Variants in BIRC6 observed in about 807,000 individuals in gnomAD.
BIRC6 encodes the protein dual E2 ubiquitin-conjugating enzyme/E3 ubiquitin-protein ligase BIRC6.
BIRC6 carries 98 observed loss-of-function variants against 503.3 expected under a neutral mutation model. The ratio of observed to expected loss-of-function variants is 0.19; its 90% CI spans 0.17 to 0.23. The LOEUF (loss-of-function observed/expected upper bound fraction) is 0.23. Ranked by LOEUF, BIRC6 falls within the 10% of genes least tolerant of loss-of-function variation. The probability of loss-of-function intolerance (pLI) is 1.00; values close to 1 mark genes in which losing one functional copy is unlikely to be tolerated. For missense variants in BIRC6, 5,360 were observed against 5,806.0 expected, an observed-to-expected ratio of 0.92 and a Z score of 2.50; for synonymous variants, 2,240 against 2,078.7, an observed-to-expected ratio of 1.08 and a Z score of -2.11.
intron 36 of BIRC6, 139 bp downstream of exon 36, chr2:32,478,957 G>A: frequency 1.3e-6 from 1 of 752,086 alleles, no homozygotes. Flanking sequence ...TCGGTGTGAT[G>A]TTATAGCAGT....
chr2:32,515,733 T>C lies in BIRC6; in HGVS notation c.11312T>C (p.Ile3771Thr). ...ACTGTTGCGTTCTTTCTACAGTGCA[T>C]TTCATGCCATCCTAATAATCAAAAG... ...NATVAFFLQC[I>T]SCHPNNQKLM... Residue 3771 changes from isoleucine (I) to threonine (T), a missense_variant, in exon 55 of 74, where the codon ATT (isoleucine) becomes ACT (threonine). Physicochemically the swap from Ile to Thr is moderately conservative, Grantham distance 89 (BLOSUM62 -1). This residue lies in a region of BIRC6 where 878 missense variants were observed against 928.9 expected (regional missense o/e 0.95). Transcript: ENST00000421745. 1 of 1,600,334 alleles carries C rather than the reference T, an allele frequency of 6.2e-7. No individual in the cohort carries two copies. The highest frequency in any genetic ancestry group is 1.1e-5 in the South Asian group (1 of 91,058).
At chr2:32,602,980 C>A in intron 70 of BIRC6, 26 bp from the exon 71 acceptor site, 1 of 1,574,216 alleles carries the variant, frequency 6.4e-7, no homozygotes, top group Non-Finnish European at 8.6e-7. Flanking sequence ...TTTTTCAATT[C>A]TGTTTATGCT....
At chr2:32,570,334 C>T (rs1445003162) in intron 65 of BIRC6, among the ~76,000 whole-genome samples, 1 of 151,968 alleles carries the variant, frequency 6.6e-6, no homozygotes, top group African/African-American at 2.4e-5. Context: ...TTGAGATCAG[C>T]TTGTGAGACT....
At chr2:32,530,451 T>C (rs561571775) in intron 60 of BIRC6, among the ~76,000 whole-genome samples, 13 of 152,328 alleles carry the variant, frequency 8.5e-5, no homozygotes, top group African/African-American at 1.2e-4. Flanking sequence ...CCTCAACTTA[T>C]CTGCCCGCTT....
In BIRC6 at chr2:32,430,805, C is replaced by CTTT. The variant is rs370529825; in HGVS notation, c.3023-41_3023-39dup. 4.0e-3 allele frequency: 1,947 copies of CTTT among 484,012 alleles called. 26 individuals are homozygous for CTTT. The highest frequency in any genetic ancestry group is 8.2e-3 in the South Asian group (311 of 37,900). The allele number at this position is 484,012 out of a possible 1,614,324, so 30.0% of individuals were successfully genotyped here. A position where few individuals can be genotyped will look rare whatever the true frequency, so the allele number is the denominator to read the frequency against. On this transcript the variant is annotated intron_variant, in intron 11 of 73. Transcript: ENST00000421745. ...AATTAAAACTTCACTTCATTGTCTT[C>CTTT]TTTTTTTTTTTTTTTTTTTTTCCAC... is the stretch of plus-strand genomic sequence containing the variant.
intron 1 of BIRC6, among the ~76,000 whole-genome samples, chr2:32,371,583 G>A (rs2035961077): frequency 6.6e-6 from 1 of 151,990 alleles, no homozygotes; most frequent in Admixed American, 6.6e-5. Context: ...GGGTTTCACT[G>A]TGTTACCCAG....
intron 28 of BIRC6, 74 bp downstream of exon 28, chr2:32,468,185 A>T: frequency 6.9e-7 from 1 of 1,454,314 alleles, no homozygotes; most frequent in Non-Finnish European, 9.4e-7. Flanking sequence ...TAATTCTGTC[A>T]AGAAATGTCT....
intron 3 of BIRC6, among the ~76,000 whole-genome samples, chr2:32,383,825 C>G (rs1440700724): frequency 1.3e-5 from 2 of 152,316 alleles, no homozygotes; most frequent in Middle Eastern, 3.4e-3. Flanking sequence ...AGCCACCAAG[C>G]CCAGCTGGTG....
In BIRC6 at chr2:32,414,754, T is replaced by C; in HGVS notation, c.1478-15T>C. The C allele has an allele frequency of 1.9e-6, 3 of 1,594,674 alleles. No individual in the cohort carries two copies. The highest frequency in any genetic ancestry group is 1.1e-5 in the South Asian group (1 of 89,008). ...GAGTAGAAACATATCTAATGAATAT[T>C]GTTCCTTTTTAAAGGGCATACATCA... is the stretch of plus-strand genomic sequence containing the variant. On this transcript the variant is annotated splice_polypyrimidine_tract_variant and intron_variant, in intron 9 of 73. Coordinates refer to ENST00000421745, the MANE Select transcript of BIRC6 (RefSeq NM_016252.4).
chr2:32,591,325 A>C (rs1050386961), intron 66 of BIRC6, among the ~76,000 whole-genome samples: 1 of 152,184 alleles, frequency 6.6e-6, no homozygotes, highest in Non-Finnish European at 1.5e-5. Flanking sequence ...ACTTCTGAGG[A>C]TTCTTGCACA....
intron 66 of BIRC6, among the ~76,000 whole-genome samples, chr2:32,582,924 T>TATAC (rs760704539): frequency 6.6e-6 from 1 of 152,210 alleles, no homozygotes; most frequent in South Asian, 2.1e-4. Context: ...ATATCTCTAA[T>TATAC]ATACATACAT....
intron 17 of BIRC6, 97 bp from the exon 18 acceptor site, chr2:32,441,968 A>G: frequency 1.1e-6 from 1 of 903,234 alleles, no homozygotes; most frequent in East Asian, 2.6e-5. Context: ...TGAGATGTTC[A>G]TGAATTAAAA....
At chr2:32,469,329 A>T (rs1000165769) in intron 29 of BIRC6, 66 bp from the exon 30 acceptor site, 3 of 1,158,262 alleles carry the variant, frequency 2.6e-6, no homozygotes, top group African/African-American at 1.6e-5. Context: ...GTATTTAGGC[A>T]TGCGTATTTT....
chr2:32,509,291 G>C (rs966525583), intron 51 of BIRC6, among the ~76,000 whole-genome samples: 1 of 152,134 alleles, frequency 6.6e-6, no homozygotes, highest in African/African-American at 2.4e-5. Context: ...GTCTCACCCT[G>C]TCGCCCAGGA....
At chr2:32,549,278 A>G in intron 64 of BIRC6, 35 bp from the exon 65 acceptor site, 1 of 1,379,300 alleles carries the variant, frequency 7.3e-7, no homozygotes, top group Admixed American at 2.4e-5. Context: ...GAAGTATGTG[A>G]AACTGAAATC....
intron 23 of BIRC6, among the ~76,000 whole-genome samples, chr2:32,454,994 A>G (rs751736166): frequency 6.6e-6 from 1 of 152,188 alleles, no homozygotes; most frequent in Non-Finnish European, 1.5e-5. Flanking sequence ...TTACATTTAC[A>G]CTAGAATAGA....
intron 1 of BIRC6, among the ~76,000 whole-genome samples, chr2:32,375,365 T>C (rs1364099422): frequency 2.0e-5 from 3 of 152,100 alleles, no homozygotes; most frequent in African/African-American, 4.8e-5. Context: ...CTTTTACCAA[T>C]AAGTATGTTG....
intron 9 of BIRC6, among the ~76,000 whole-genome samples, chr2:32,413,393 T>A (rs1257383751): frequency 2.6e-5 from 4 of 151,996 alleles, no homozygotes; most frequent in Non-Finnish European, 5.9e-5. Flanking sequence ...TTGGTCAGGC[T>A]GGTCTCAAAC....
At chr2:32,595,169 T>A in intron 68 of BIRC6, 25 bp downstream of exon 68, 3 of 1,435,254 alleles carry the variant, frequency 2.1e-6, no homozygotes, top group Non-Finnish European at 2.9e-6. Context: ...TTGATTTGCT[T>A]AAGATCTCAC....
Sources: gnomAD v4.1 joint callset for allele counts (sites outside exome capture counted in the v4.1 genomes callset) on GRCh38, gnomAD v4.1.1 for gene constraint, gnomAD v4.1.1 regional missense constraint, MANE v1.5 for transcripts, NCBI Gene and HGNC (gene_info 2026-07-23, HGNC 2026-07-21) for gene names.